SPAG16: variants seen among roughly 807,000 people sequenced by gnomAD.
The protein encoded by SPAG16 is sperm-associated antigen 16 protein.
SPAG16 carries 86 observed loss-of-function variants against 80.4 expected under a neutral mutation model. The observed-to-expected ratio is 1.07, with a 90% CI of 0.90 to 1.28. The LOEUF is 1.28. SPAG16 is among the 50% of genes most tolerant of loss of function. The probability of loss-of-function intolerance (pLI) is 0.00; values close to 1 mark genes in which losing one functional copy is unlikely to be tolerated. For synonymous variants in SPAG16, 294 were observed against 265.9 expected, an observed-to-expected ratio of 1.11 and a Z score of -1.03; for missense variants, 870 against 765.3, an observed-to-expected ratio of 1.14 and a Z score of -1.61.
In SPAG16 at chr2:213,761,860, C is replaced by T. The variant is rs1046435463; in HGVS notation, c.1071-100625C>T. On this transcript the variant is annotated intron_variant, in intron 10 of 15. Coordinates refer to ENST00000331683, the MANE Select transcript of SPAG16 (RefSeq NM_024532.5). ...CAGCCTGGGTGACAGAGTGAGATTC[C>T]GTGTCAAAAAACAAAAATAAAAACA... 1.4e-4 allele frequency among the ~76,000 whole-genome samples: 20 copies of T among 147,744 alleles called. No individual in the cohort carries two copies. In the South Asian group the frequency reaches 1.8e-3, roughly 13 times the overall value.
At chr2:213,347,527 C>G (rs951767971) in intron 6 of SPAG16, among the ~76,000 whole-genome samples, 53 of 152,266 alleles carry the variant, frequency 3.5e-4, no homozygotes, top group Admixed American at 1.0e-3. Flanking sequence ...GCATTTAGTG[C>G]TATAAATTTT....
chr2:213,958,235 G>A (rs1360460498), intron 12 of SPAG16, among the ~76,000 whole-genome samples: 1 of 152,172 alleles, frequency 6.6e-6, no homozygotes, highest in African/African-American at 2.4e-5. Flanking sequence ...CACAAGTTCC[G>A]TGGAGTCTGT....
intron 12 of SPAG16, among the ~76,000 whole-genome samples, chr2:214,012,250 T>G (rs529427301): frequency 7.9e-6 from 1 of 126,936 alleles, no homozygotes; most frequent in Non-Finnish European, 1.7e-5. Context: ...ATATATATTT[T>G]TATACTTACA....
chr2:213,864,358 A>G (rs1388553106), intron 11 of SPAG16, among the ~76,000 whole-genome samples: 1 of 152,116 alleles, frequency 6.6e-6, no homozygotes, highest in Non-Finnish European at 1.5e-5. Flanking sequence ...AATGAAGATA[A>G]TATATTTCCT....
intron 10 of SPAG16, among the ~76,000 whole-genome samples, chr2:213,542,352 G>C (rs894921633): frequency 3.3e-5 from 5 of 152,014 alleles, no homozygotes; most frequent in African/African-American, 1.2e-4. Flanking sequence ...TCATTAAGAA[G>C]AAAGCATTAT....
chr2:213,902,285 A>G (rs1260465018), intron 11 of SPAG16, among the ~76,000 whole-genome samples: 5 of 152,198 alleles, frequency 3.3e-5, no homozygotes, highest in African/African-American at 4.8e-5. Context: ...AGTAAAATAC[A>G]TAGTACATTT....
intron 7 of SPAG16, among the ~76,000 whole-genome samples, chr2:213,360,149 G>A (rs1167073413): frequency 6.6e-6 from 1 of 152,128 alleles, no homozygotes; most frequent in Non-Finnish European, 1.5e-5. Context: ...TTTTACCATG[G>A]ACAATGCTAA....
At chr2:213,886,829 T>C (rs1179680234) in intron 11 of SPAG16, among the ~76,000 whole-genome samples, 1 of 152,076 alleles carries the variant, frequency 6.6e-6, no homozygotes, top group Non-Finnish European at 1.5e-5. Context: ...AAAGGACTCA[T>C]GAAGATGACT....
At chr2:213,407,395 T>C (rs2068671708) in intron 9 of SPAG16, among the ~76,000 whole-genome samples, 1 of 150,768 alleles carries the variant, frequency 6.6e-6, no homozygotes, top group African/African-American at 2.4e-5. Flanking sequence ...ACAGGCAAGG[T>C]GAGACACCCC....
At chr2:214,274,858 T>A (rs1377019331) in intron 15 of SPAG16, among the ~76,000 whole-genome samples, 1 of 152,198 alleles carries the variant, frequency 6.6e-6, no homozygotes, top group Non-Finnish European at 1.5e-5. Context: ...TTGGAATAGT[T>A]TCAGAAGCAA....
At chr2:213,864,089 A>G (rs752612033) in intron 11 of SPAG16, among the ~76,000 whole-genome samples, 18 of 152,326 alleles carry the variant, frequency 1.2e-4, no homozygotes, top group Non-Finnish European at 2.1e-4. Context: ...ATTAGAAACA[A>G]CAACAAAAAA....
chr2:214,094,180 A>G (rs1473311711), intron 13 of SPAG16, among the ~76,000 whole-genome samples: 2 of 152,118 alleles, frequency 1.3e-5, no homozygotes, highest in Non-Finnish European at 2.9e-5. Context: ...TATTTATACC[A>G]TGGCAGTTTG....
At chr2:214,255,789 G>A (rs1690639426) in intron 15 of SPAG16, among the ~76,000 whole-genome samples, 1 of 152,020 alleles carries the variant, frequency 6.6e-6, no homozygotes, top group South Asian at 2.1e-4. Flanking sequence ...GTGTTAATGT[G>A]TATATCAGTT....
intron 9 of SPAG16, among the ~76,000 whole-genome samples, chr2:213,452,728 A>T (rs114758855): frequency 0.011 from 1,691 of 152,072 alleles, 27 homozygotes; most frequent in African/African-American, 0.037. Flanking sequence ...CTTGCAACAA[A>T]CCCCCTTGTC....
chr2:214,183,911 T>C (rs565633092), intron 15 of SPAG16, among the ~76,000 whole-genome samples: 1 of 152,076 alleles, frequency 6.6e-6, no homozygotes, highest in Non-Finnish European at 1.5e-5. Context: ...ACAGGATAAG[T>C]ACATATCTTA....
intron 15 of SPAG16, among the ~76,000 whole-genome samples, chr2:214,249,451 G>A (rs1016481943): frequency 6.6e-6 from 1 of 152,054 alleles, no homozygotes; most frequent in African/African-American, 2.4e-5. Context: ...TAGGGATGGG[G>A]AGGAGAAGAG....
At chr2:213,672,054 T>C (rs1357546258) in intron 10 of SPAG16, among the ~76,000 whole-genome samples, 2 of 152,160 alleles carry the variant, frequency 1.3e-5, no homozygotes, top group African/African-American at 2.4e-5. Context: ...AAAACTAATA[T>C]AGGAAATAGA....
At chr2:213,985,097 T>C (rs1575734222) in intron 12 of SPAG16, among the ~76,000 whole-genome samples, 1 of 152,102 alleles carries the variant, frequency 6.6e-6, no homozygotes, top group East Asian at 1.9e-4. Context: ...GAGTAGTTTG[T>C]CAGAATTGTA....
intron 10 of SPAG16, among the ~76,000 whole-genome samples, chr2:213,573,681 G>GT (rs1450340021): frequency 1.3e-5 from 2 of 152,090 alleles, no homozygotes; most frequent in Non-Finnish European, 2.9e-5. Flanking sequence ...CTAGGTAAAT[G>GT]TAAGTCCATG....
Sources: gnomAD v4.1 joint callset for allele counts (sites outside exome capture counted in the v4.1 genomes callset) on GRCh38, gnomAD v4.1.1 for gene constraint, MANE v1.5 for transcripts, NCBI Gene and HGNC (gene_info 2026-07-23, HGNC 2026-07-21) for gene names.